The following ZDHHC1 variants were observed in gnomAD, a reference collection of about 807,000 sequenced individuals.
ZDHHC1 encodes the protein palmitoyltransferase ZDHHC1.
ZDHHC1 carries 45 observed loss-of-function variants against 46.9 expected under a neutral mutation model. That is an observed-to-expected ratio of 0.96 (90% CI 0.76 to 1.23). ZDHHC1 has a LOEUF of 1.23. Ranked by LOEUF, ZDHHC1 falls within the 50% of genes most tolerant of loss-of-function variation. The probability of loss-of-function intolerance (pLI) is 0.00; values close to 1 mark genes in which losing one functional copy is unlikely to be tolerated. For missense variants in ZDHHC1, 649 were observed against 670.8 expected, an observed-to-expected ratio of 0.97 and a Z score of 0.36; for synonymous variants, 291 against 286.0, an observed-to-expected ratio of 1.02 and a Z score of -0.18.
At position 67,399,379 on chromosome 16, in the gene ZDHHC1, T is replaced by C; in HGVS notation, c.506A>G (p.Asn169Ser). 1 of 1,613,098 alleles carries C rather than the reference T, an allele frequency of 6.2e-7. No homozygotes were observed. Among genetic ancestry groups the C allele is most frequent in the Non-Finnish European group, 8.5e-7 (1 of 1,179,700 alleles). ...CCGGTAGTTCCGCTCGCCCACACAG[T>C]TGTTGAGCCACTTGCAGTGGTGGTC... The part of the protein sequence containing the change: ...GFDHHCKWLN[N>S]CVGERNYRLF... Residue 169 changes from asparagine to serine, a missense_variant, in exon 5 of 12, where the codon AAC becomes AGC. Coordinates refer to ENST00000565726, the MANE Select transcript of ZDHHC1 (RefSeq NM_001323627.2).
chr16:67,394,553 G>A lies in ZDHHC1; in HGVS notation c.*57C>T. On this transcript the variant is annotated 3_prime_UTR_variant, in exon 12 of 12. Transcript: ENST00000565726. Reference sequence around the variant, plus strand: ...GCACTCGGTGCGGCAAGGATGGGGTGTTGCATAGAGAGTCAGGCCGGCCGC... The same window carrying A: ...GCACTCGGTGCGGCAAGGATGGGGTATTGCATAGAGAGTCAGGCCGGCCGC... 1.8e-6 allele frequency: 2 copies of A among 1,125,006 alleles called. No homozygotes were observed. The highest frequency in any genetic ancestry group is 2.2e-6 in the Non-Finnish European group (2 of 920,378). The allele number at this position is 1,125,006 out of a possible 1,614,324, so 69.7% of individuals were successfully genotyped here.
At chr16:67,398,448 A>ACCTGGCCACCATAGTGAGC in intron 7 of ZDHHC1, 124 bp from the exon 8 acceptor site, 1 of 1,510,374 alleles carries the variant, frequency 6.6e-7, no homozygotes, top group African/African-American at 1.4e-5. Context: ...ATCAGGTGAG[A>ACCTGGCCACCATAGTGAGC]CCTGGCCACC....
At chr16:67,412,794 CTT>C in intron 1 of ZDHHC1, among the ~76,000 whole-genome samples, 1 of 152,052 alleles carries the variant, frequency 6.6e-6, no homozygotes. Context: ...ATTTTCTTCT[CTT>C]TTCTTTCACT....
intron 8 of ZDHHC1, chr16:67,395,979 C>T (rs886257984): frequency 2.1e-5 from 4 of 191,974 alleles, no homozygotes; most frequent in South Asian, 2.0e-4. Flanking sequence ...CACCAGCTCC[C>T]GCAGAGCTGA....
In ZDHHC1 at chr16:67,406,948, G is replaced by A. The variant is rs2040672820; in HGVS notation, c.10-506C>T. 1.3e-5 allele frequency among the ~76,000 whole-genome samples: 2 copies of A among 152,190 alleles called. No homozygotes were observed. On this transcript the variant is annotated intron_variant, in intron 2 of 11. Coordinates refer to ENST00000565726, the MANE Select transcript of ZDHHC1 (RefSeq NM_001323627.2). The surrounding 1 kb of genome is among the most constrained non-coding windows in gnomAD (Gnocchi z 4.1). ...GAGGATCTGCCCTCTCCCCCACGGT[G>A]GACAGAAAATCCCTTTAGGACTGGG...
chr16:67,401,182 G>A lies in ZDHHC1; in HGVS notation c.253-50C>T, dbSNP rs2040547522. The A allele has an allele frequency of 6.3e-7, 1 of 1,593,598 alleles. No individual in the cohort carries two copies. The highest frequency in any genetic ancestry group is 8.5e-7 in the Non-Finnish European group (1 of 1,170,706). ...CTCCACTCTGCCGGCTGGGAGTCCT[G>A]CCCCGTTCCTTGCAGCCAGAGAACT... On this transcript the variant is annotated intron_variant, in intron 3 of 11. Transcript: ENST00000565726. The surrounding 1 kb of genome is among the most constrained non-coding windows in gnomAD (Gnocchi z 4.6).
rs756945089 is a variant in ZDHHC1, at chr16:67,406,650, C to G, written c.10-208G>C. Among the ~76,000 whole-genome samples, 21 of 152,148 alleles carry G rather than the reference C, an allele frequency of 1.4e-4. No homozygotes were observed. Among genetic ancestry groups the G allele is most frequent in the Non-Finnish European group, 2.8e-4 (19 of 68,028 alleles). ...TCTCAAAGCCCAAAGCAAACCCTGG[C>G]CCTAGACTGGCCAGGACAAGGTAGG... On this transcript the variant is annotated intron_variant, in intron 2 of 11. Coordinates refer to ENST00000565726, the MANE Select transcript of ZDHHC1 (RefSeq NM_001323627.2). This position sits in a 1 kb window ranked among gnomAD's most constrained non-coding sequence, Gnocchi z 4.1.
Position 67,398,289 on chromosome 16 carries a change from G to A in ZDHHC1, c.850C>T (p.Gln284Ter). The A allele has an allele frequency of 6.2e-7, 1 of 1,614,044 alleles. No individual in the cohort carries two copies. Among genetic ancestry groups the A allele is most frequent in the Non-Finnish European group, 8.5e-7 (1 of 1,179,958 alleles). Residue 284 changes from glutamine (Q) to a stop codon, truncating the protein, a stop_gained, in exon 8 of 12, where the codon CAG becomes TAG. Coordinates refer to ENST00000565726, the MANE Select transcript of ZDHHC1 (RefSeq NM_001323627.2). LOFTEE classifies it high-confidence loss of function. ...TTGGCCTCCTGTGGTGGGCGGTGCT[G>A]CACGATGTACTCATAGGTGGTGAGC... ...HKLTTYEYIV[Q>*]HRPPQEAKGV...
intron 1 of ZDHHC1, among the ~76,000 whole-genome samples, chr16:67,413,938 CA>C (rs974752448): frequency 0.18 from 11,241 of 62,046 alleles, 186 homozygotes; most frequent in Non-Finnish European, 0.24. Flanking sequence ...GACTCCGTCT[CA>C]AAAAAAAAAA....
Position 67,406,197 on chromosome 16 carries a change from T to C in ZDHHC1, c.252+3A>G, listed in dbSNP as rs1417041330. The stretch of plus-strand genomic sequence containing the variant: ...CACCAGCCCTACGCTTTCCCAAGGA[T>C]ACAGCGTAGCCAGCGGGCACCCAGT... On this transcript the variant is annotated splice_donor_region_variant and intron_variant, in intron 3 of 11. Transcript: ENST00000565726. This position sits in a 1 kb window ranked among gnomAD's most constrained non-coding sequence, Gnocchi z 4.1. 1.2e-6 allele frequency: 2 copies of C among 1,613,746 alleles called. No homozygotes were observed. Among genetic ancestry groups the C allele is most frequent in the Admixed American group, 1.7e-5 (1 of 59,978 alleles).
Position 67,408,051 on chromosome 16 carries a change from A to G in ZDHHC1, c.-38-238T>C, listed in dbSNP as rs530786726. Among the ~76,000 whole-genome samples, 8 of 152,336 alleles carry G rather than the reference A, an allele frequency of 5.3e-5. No homozygotes were observed. In the South Asian group the frequency reaches 1.5e-3, roughly 28 times the overall value. On this transcript the variant is annotated intron_variant, in intron 1 of 11. Coordinates refer to ENST00000565726, the MANE Select transcript of ZDHHC1 (RefSeq NM_001323627.2). ...CCACCTGAGGCTCAGAGCCTCCTGC[A>G]GGCCAAGCCAAGCATTATTTGAAGT... is the stretch of plus-strand genomic sequence containing the variant.
chr16:67,403,583 C>T (rs1264183507), intron 3 of ZDHHC1, among the ~76,000 whole-genome samples: 2 of 151,554 alleles, frequency 1.3e-5, no homozygotes, highest in African/African-American at 2.4e-5. Flanking sequence ...GGAGCCTTGA[C>T]GCCATGTTGA....
In ZDHHC1 at chr16:67,416,385, G is replaced by C. The variant is rs1243974233; in HGVS notation, c.-253C>G. 1 of 155,548 alleles carries C rather than the reference G, an allele frequency of 6.4e-6. No homozygotes were observed. Among genetic ancestry groups the C allele is most frequent in the Non-Finnish European group, 1.1e-5 (1 of 91,448 alleles). 9.6% of individuals were successfully genotyped at this position (155,548 alleles called of 1,614,324 possible). On this transcript the variant is annotated 5_prime_UTR_variant, in exon 1 of 12. Transcript: ENST00000565726. Reference sequence around the variant, plus strand: ...GTCCTCGAGCTCTGGCTCTGGCTCCGGCTCCGGCTCCGGCTCCGGCTCCGG... The same window carrying C: ...GTCCTCGAGCTCTGGCTCTGGCTCCCGCTCCGGCTCCGGCTCCGGCTCCGG...
Position 67,394,502 on chromosome 16 carries a change from C to T in ZDHHC1, c.*108G>A. The T allele has an allele frequency of 1.0e-6, 1 of 999,992 alleles. No homozygotes were observed. The highest frequency in any genetic ancestry group is 1.2e-6 in the Non-Finnish European group (1 of 810,262). The allele number at this position is 999,992 out of a possible 1,614,324, so 61.9% of individuals were successfully genotyped here. The stretch of plus-strand genomic sequence containing the variant: ...GAGTCGTGGGGGAGGGAGGCCGATC[C>T]CGCCGGCCGTAGGGGCCCCTAAAGT... On this transcript the variant is annotated 3_prime_UTR_variant, in exon 12 of 12. Coordinates refer to ENST00000565726, the MANE Select transcript of ZDHHC1 (RefSeq NM_001323627.2).
At chr16:67,395,116 C>G (rs933905177) in intron 10 of ZDHHC1, 54 bp from the exon 11 acceptor site, 1 of 1,613,174 alleles carries the variant, frequency 6.2e-7, no homozygotes, top group Non-Finnish European at 8.5e-7. Flanking sequence ...GAAGCAGAGG[C>G]GAGCGCCAGG....
intron 8 of ZDHHC1, 139 bp from the exon 9 acceptor site, chr16:67,395,705 G>A: frequency 2.4e-6 from 2 of 834,176 alleles, no homozygotes; most frequent in Non-Finnish European, 3.8e-6. Flanking sequence ...AGCCATGCTG[G>A]GAAAACCCCA....
chr16:67,394,171 C>T lies in ZDHHC1; in HGVS notation c.*439G>A, dbSNP rs2040368757. ...GGCCTCGCAGCCTCAGCGCCCACTG[C>T]TGCTTTCGGAGCCCAAAGCCTGCTT... On this transcript the variant is annotated 3_prime_UTR_variant, in exon 12 of 12. Coordinates refer to ENST00000565726, the MANE Select transcript of ZDHHC1 (RefSeq NM_001323627.2). 6.6e-6 allele frequency among the ~76,000 whole-genome samples: 1 copy of T among 152,230 alleles called. No homozygotes were observed. Among genetic ancestry groups the T allele is most frequent in the Non-Finnish European group, 1.5e-5 (1 of 68,030 alleles).
intron 4 of ZDHHC1, 97 bp downstream of exon 4, chr16:67,400,860 T>A: frequency 7.1e-7 from 1 of 1,415,104 alleles, no homozygotes; most frequent in Non-Finnish European, 9.7e-7. Context: ...ACATGAGGGT[T>A]CTGAGGCATC....
chr16:67,401,310 T>TCTCCAGGC lies in ZDHHC1; in HGVS notation c.253-179_253-178insGCCTGGAG, dbSNP rs1451563018. On this transcript the variant is annotated intron_variant, in intron 3 of 11. Coordinates refer to ENST00000565726, the MANE Select transcript of ZDHHC1 (RefSeq NM_001323627.2). This position sits in a 1 kb window ranked among gnomAD's most constrained non-coding sequence, Gnocchi z 4.6. Reference sequence around the variant, plus strand: ...TCATCAGACCTCTCCAGGTAACCCCTATGCCCCAAATGGAAAGAGGGAGAG... The same window carrying TCTCCAGGC: ...TCATCAGACCTCTCCAGGTAACCCCTCTCCAGGCATGCCCCAAATGGAAAGAGGGAGAG... Among the ~76,000 whole-genome samples the TCTCCAGGC allele has an allele frequency of 6.6e-6, 1 of 152,152 alleles. No homozygotes were observed. The highest frequency in any genetic ancestry group is 1.5e-5 in the Non-Finnish European group (1 of 68,012).
Sources: gnomAD v4.1 joint callset for allele counts (sites outside exome capture counted in the v4.1 genomes callset) on GRCh38, gnomAD v4.1.1 for gene constraint, Gnocchi (gnomAD v3.1) non-coding constraint, MANE v1.5 for transcripts, NCBI Gene and HGNC (gene_info 2026-07-23, HGNC 2026-07-21) for gene names.